Variants in ZBTB8B observed in about 807,000 individuals in gnomAD.
ZBTB8B encodes zinc finger and BTB domain-containing protein 8B.
Under a neutral mutation model 30.3 loss-of-function variants are expected in ZBTB8B, and 17 were observed. The ratio of observed to expected loss-of-function variants is 0.56; its 90% confidence interval spans 0.38 to 0.84. The LOEUF (loss-of-function observed/expected upper bound fraction) is 0.84. ZBTB8B is among the 40% of genes least tolerant of loss of function. The pLI is 0.00. For synonymous variants in ZBTB8B, 248 were observed against 255.6 expected, an observed-to-expected ratio of 0.97 and a Z score of 0.28; for missense variants, 515 against 644.9, an observed-to-expected ratio of 0.80 and a Z score of 2.18.
chr1:32,489,609 G>A lies in ZBTB8B; in HGVS notation c.*4191G>A, dbSNP rs1240530468. On this transcript the variant is annotated 3_prime_UTR_variant, in exon 4 of 4. Transcript: ENST00000609129. ...TTTACAGTTGAGCCCAACACAGACC[G>A]TTAGTGGTTTAGTTTCTATTCTGGC... is the stretch of plus-strand genomic sequence containing the variant. 2.6e-5 allele frequency: 4 copies of A among 152,158 alleles called. No individual in the cohort carries two copies. The highest frequency in any genetic ancestry group is 1.9e-4 in the East Asian group (1 of 5,198). 9.4% of individuals were successfully genotyped at this position (152,158 alleles called of 1,614,324 possible).
At position 32,465,270 on chromosome 1, in the gene ZBTB8B, C is replaced by T. The variant is rs1643562461; in HGVS notation, c.-42+165C>T. Among the ~76,000 whole-genome samples, 1 of 152,270 alleles carries T rather than the reference C, an allele frequency of 6.6e-6. No homozygotes were observed. On this transcript the variant is annotated intron_variant, in intron 1 of 3. Transcript: ENST00000609129. This position sits in a 1 kb window ranked among gnomAD's most constrained non-coding sequence, Gnocchi z 4.1. ...CTGGCAACTCCTGGGACCTCCGCCC[C>T]GCGAGCCCTTCTAGCGTGGGGAGGG...
intron 3 of ZBTB8B, among the ~76,000 whole-genome samples, chr1:32,483,356 C>T (rs1249752724): frequency 1.3e-5 from 2 of 150,258 alleles, no homozygotes; most frequent in South Asian, 2.1e-4. Context: ...ACCTGGGAGG[C>T]GGAGGTTGCA....
At chr1:32,482,268 G>A (rs1042588981) in intron 3 of ZBTB8B, among the ~76,000 whole-genome samples, 2 of 152,016 alleles carry the variant, frequency 1.3e-5, no homozygotes, top group Non-Finnish European at 2.9e-5. Context: ...CAAAGTGCTG[G>A]GATTATAGGC....
At position 32,470,888 on chromosome 1, in the gene ZBTB8B, G is replaced by A; in HGVS notation, c.264G>A (p.Leu88=). The A allele has an allele frequency of 6.4e-7, 1 of 1,552,028 alleles. No individual in the cohort carries two copies. Among genetic ancestry groups the A allele is most frequent in the Middle Eastern group, 1.7e-4 (1 of 5,994 alleles). The change falls in exon 2 of 4, where the codon TTG becomes TTA. Residue 88 remains leucine (L), a synonymous_variant. Transcript: ENST00000609129. ...IILDFLYSGK[L]DLCGENVIEV... ...TAGATTTCCTCTATTCTGGGAAGTTGGATTTGTGTGGGGAGAATGTGATTG... is the reference window on the plus strand; with the variant it reads ...TAGATTTCCTCTATTCTGGGAAGTTAGATTTGTGTGGGGAGAATGTGATTG...
chr1:32,482,073 C>T (rs1472027618), intron 3 of ZBTB8B, among the ~76,000 whole-genome samples: 1 of 152,118 alleles, frequency 6.6e-6, no homozygotes, highest in Non-Finnish European at 1.5e-5. Flanking sequence ...TCCCAAGGCA[C>T]AGGTGATTCT....
chr1:32,471,488 C>T lies in ZBTB8B; in HGVS notation c.864C>T (p.Ser288=), dbSNP rs761551595. The stretch of plus-strand genomic sequence containing the variant: ...TCCTGGAGGCGCTCTTGCGCAACAG[C>T]GCTGCCCCGAGCAAGGATGATGCAG... ...KQFLEALLRN[S]AAPSKDDADH... is the part of the protein sequence containing the mutation. Residue 288 remains serine, a synonymous_variant, in exon 2 of 4, where the codon AGC becomes AGT. Transcript: ENST00000609129. 3.2e-6 allele frequency: 5 copies of T among 1,551,700 alleles called. No individual in the cohort carries two copies. Among genetic ancestry groups the T allele is most frequent in the South Asian group, 2.4e-5 (2 of 84,070 alleles).
Position 32,485,452 on chromosome 1 carries a change from C to A in ZBTB8B, c.*34C>A, listed in dbSNP as rs1313424550. ...TGGTGGGGAAGAGGAGGTTTTAAAA[C>A]TTGTTAGTGCTCGTTCTGTTGTTGA... On this transcript the variant is annotated 3_prime_UTR_variant, in exon 4 of 4. Coordinates refer to ENST00000609129, the MANE Select transcript of ZBTB8B (RefSeq NM_001145720.2). 1 of 1,529,198 alleles carries A rather than the reference C, an allele frequency of 6.5e-7. No homozygotes were observed. Among genetic ancestry groups the A allele is most frequent in the Non-Finnish European group, 8.8e-7 (1 of 1,130,700 alleles). The allele number at this position is 1,529,198 out of a possible 1,614,324, so 94.7% of individuals were successfully genotyped here.
intron 2 of ZBTB8B, among the ~76,000 whole-genome samples, chr1:32,472,345 C>T (rs1174982216): frequency 2.0e-5 from 3 of 152,314 alleles, no homozygotes; most frequent in Non-Finnish European, 2.9e-5. Flanking sequence ...ATCTGTAAAA[C>T]GGGAATAATC....
chr1:32,480,929 C>T lies in ZBTB8B; in HGVS notation c.1030C>T (p.Pro344Ser). The change falls in exon 3 of 4, where the codon CCT becomes TCT. Residue 344 changes from proline to serine, a missense_variant. Around this residue, in one of 3 missense-constraint regions of ZBTB8B, gnomAD observed 429 missense variants for 504.3 expected, o/e 0.85. Coordinates refer to ENST00000609129, the MANE Select transcript of ZBTB8B (RefSeq NM_001145720.2). ...LVVPIKLHKC[P>S]FCPYTAKQKG... is the part of the protein sequence containing the mutation. The stretch of plus-strand genomic sequence containing the variant: ...GGTCCCCATCAAGCTCCACAAGTGT[C>T]CTTTCTGCCCTTACACTGCCAAACA... The T allele has an allele frequency of 6.4e-7, 1 of 1,552,052 alleles. No individual in the cohort carries two copies. Among genetic ancestry groups the T allele is most frequent in the Non-Finnish European group, 8.7e-7 (1 of 1,147,064 alleles).
chr1:32,485,060 T>G, intron 3 of ZBTB8B, 41 bp from the exon 4 acceptor site: 1 of 1,537,474 alleles, frequency 6.5e-7, no homozygotes, highest in South Asian at 1.2e-5. Flanking sequence ...AACACTCATC[T>G]CCTTTTCTGT....
At chr1:32,474,160 ATT>A (rs1293976572) in intron 2 of ZBTB8B, among the ~76,000 whole-genome samples, 1 of 151,404 alleles carries the variant, frequency 6.6e-6, no homozygotes, top group Non-Finnish European at 1.5e-5. Flanking sequence ...TTCAAATTTC[ATT>A]TTTTTAAAAA....
At chr1:32,469,913 A>G (rs931015718) in intron 1 of ZBTB8B, among the ~76,000 whole-genome samples, 1 of 152,098 alleles carries the variant, frequency 6.6e-6, no homozygotes, top group Admixed American at 6.5e-5. Flanking sequence ...TTGAGACAGA[A>G]TCTTGCTCTG....
chr1:32,482,535 G>A (rs185431414), intron 3 of ZBTB8B, among the ~76,000 whole-genome samples: 362 of 151,770 alleles, frequency 2.4e-3, no homozygotes, highest in Admixed American at 4.6e-3. Flanking sequence ...GCCAGCTGTG[G>A]TGGTGTGCAT....
intron 2 of ZBTB8B, among the ~76,000 whole-genome samples, chr1:32,479,196 CA>C (rs1643685599): frequency 6.6e-6 from 1 of 151,792 alleles, no homozygotes; most frequent in African/African-American, 2.4e-5. Context: ...ATGATATGAC[CA>C]AAGTCTATAA....
rs1287693303 is a variant in ZBTB8B, at chr1:32,465,981, A to G, written c.-42+876A>G. ...AGGATCTCTTGAGCCCAGGAGTTCC[A>G]GGCTGCATTGAGGTAGGATCGTGCA... On this transcript the variant is annotated intron_variant, in intron 1 of 3. Transcript: ENST00000609129. This position sits in a 1 kb window ranked among gnomAD's most constrained non-coding sequence, Gnocchi z 4.1. 1.3e-5 allele frequency among the ~76,000 whole-genome samples: 2 copies of G among 152,176 alleles called. No homozygotes were observed. Among genetic ancestry groups the G allele is most frequent in the Non-Finnish European group, 2.9e-5 (2 of 68,028 alleles).
chr1:32,481,171 G>A (rs566624518), intron 3 of ZBTB8B, 102 bp downstream of exon 3: 6 of 1,119,788 alleles, frequency 5.4e-6, no homozygotes, highest in South Asian at 2.6e-5. Flanking sequence ...TGTCTACTGG[G>A]GTATTTTCAG....
At chr1:32,467,547 C>T (rs914925520) in intron 1 of ZBTB8B, among the ~76,000 whole-genome samples, 7 of 152,144 alleles carry the variant, frequency 4.6e-5, no homozygotes, top group Non-Finnish European at 8.8e-5. Context: ...AGCCACCACA[C>T]CCGGCCCCAA....
intron 2 of ZBTB8B, 37 bp downstream of exon 2, chr1:32,471,652 T>C: frequency 6.5e-7 from 1 of 1,529,188 alleles, no homozygotes; most frequent in Non-Finnish European, 8.8e-7. Flanking sequence ...CTGCCAGTGA[T>C]TGAGTACACA....
rs1188100967 is a variant in ZBTB8B, at chr1:32,492,893, G to T, written c.*7475G>T. On this transcript the variant is annotated 3_prime_UTR_variant, in exon 4 of 4. Transcript: ENST00000609129. ...GGTACTCTGAGAACGCGTGGGTCGG[G>T]TACCTAGCCAGTCATAGAGCCTCAG... The T allele has an allele frequency of 6.6e-6, 1 of 151,992 alleles. No individual in the cohort carries two copies. The highest frequency in any genetic ancestry group is 6.6e-5 in the Admixed American group (1 of 15,248). 9.4% of individuals were successfully genotyped at this position (151,992 alleles called of 1,614,324 possible).
Sources: gnomAD v4.1 joint callset for allele counts (sites outside exome capture counted in the v4.1 genomes callset) on GRCh38, gnomAD v4.1.1 for gene constraint, gnomAD v4.1.1 regional missense constraint, Gnocchi (gnomAD v3.1) non-coding constraint, MANE v1.5 for transcripts, NCBI Gene and HGNC (gene_info 2026-07-23, HGNC 2026-07-21) for gene names.